OR9Q1: variants seen among roughly 807,000 people sequenced by gnomAD.
The protein encoded by OR9Q1 is olfactory receptor family 9 subfamily Q member 1.
For synonymous variants in OR9Q1, 153 were observed against 148.6 expected (o/e 1.03, Z -0.22); for missense variants, 374 against 378.8 (o/e 0.99, Z 0.11).
chr11:58,119,127 G>A, intron 2 of OR9Q1: 8 of 1,614,028 alleles, frequency 5.0e-6, no homozygotes, highest in Non-Finnish European at 6.8e-6. Flanking sequence ...TGCCTGCACA[G>A]ATGGTGAATA....
At chr11:58,068,694 C>T (rs947625530) in intron 2 of OR9Q1, among the ~76,000 whole-genome samples, 3 of 152,126 alleles carry the variant, frequency 2.0e-5, no homozygotes, top group Non-Finnish European at 2.9e-5. Flanking sequence ...AGAGCTTTTC[C>T]AATTTTCAAG....
intron 2 of OR9Q1, among the ~76,000 whole-genome samples, chr11:58,151,222 A>G (rs1215122390): frequency 6.6e-6 from 1 of 152,194 alleles, no homozygotes; most frequent in East Asian, 1.9e-4. Flanking sequence ...GAGATGTCAT[A>G]TAAAAAGTCT....
chr11:58,153,012 C>A (rs1263318135), intron 2 of OR9Q1, among the ~76,000 whole-genome samples: 1 of 152,168 alleles, frequency 6.6e-6, no homozygotes. Flanking sequence ...ACAGAGCCTG[C>A]CACCTGGTAG....
intron 2 of OR9Q1, among the ~76,000 whole-genome samples, chr11:58,092,666 A>G: frequency 6.6e-6 from 1 of 152,064 alleles, no homozygotes. Context: ...TCTCCTTTTT[A>G]TACAGGGGAT....
intron 2 of OR9Q1, among the ~76,000 whole-genome samples, chr11:58,152,006 T>G (rs1854357833): frequency 6.6e-6 from 1 of 152,194 alleles, no homozygotes; most frequent in Non-Finnish European, 1.5e-5. Context: ...AGACCATTGT[T>G]GCATTTCCCA....
intron 2 of OR9Q1, chr11:58,144,406 G>A (rs1854280126): frequency 6.6e-6 from 1 of 151,702 alleles, no homozygotes; most frequent in Admixed American, 6.6e-5. Flanking sequence ...GGAATACTAT[G>A]CAGCCATAAA....
chr11:58,134,207 C>G (rs898328546), intron 2 of OR9Q1, among the ~76,000 whole-genome samples: 1 of 152,158 alleles, frequency 6.6e-6, no homozygotes, highest in East Asian at 1.9e-4. Flanking sequence ...CTCCCTAATC[C>G]CCCTTGAAAG....
chr11:58,161,588 G>A (rs1301800730), intron 2 of OR9Q1, among the ~76,000 whole-genome samples: 1 of 150,758 alleles, frequency 6.6e-6, no homozygotes, highest in Non-Finnish European at 1.5e-5. Context: ...CTGTCACCCA[G>A]GCTGGAGTGC....
At chr11:58,048,823 C>T (rs1474682924) in intron 1 of OR9Q1, among the ~76,000 whole-genome samples, 11 of 117,214 alleles carry the variant, frequency 9.4e-5, no homozygotes, top group East Asian at 5.0e-4. Context: ...AACACCTCTA[C>T]GCAAATAAAC....
intron 2 of OR9Q1, among the ~76,000 whole-genome samples, chr11:58,096,703 CTTTT>C (rs371701829): frequency 2.8e-5 from 3 of 108,796 alleles, no homozygotes; most frequent in Admixed American, 1.0e-4. Context: ...GAGACAGTCT[CTTTT>C]TTTTTTTTTT....
intron 1 of OR9Q1, chr11:58,031,443 T>G (rs772602014): frequency 1.2e-6 from 2 of 1,614,038 alleles, no homozygotes; most frequent in African/African-American, 2.7e-5. Flanking sequence ...ATCTTGCCAA[T>G]CTACCTCTTG....
intron 1 of OR9Q1, among the ~76,000 whole-genome samples, chr11:58,032,822 A>G (rs1853056148): frequency 6.6e-6 from 1 of 152,246 alleles, no homozygotes. Context: ...ACAAACAGGT[A>G]AACTACCAAA....
At chr11:58,103,105 A>G (rs909708851) in intron 2 of OR9Q1, among the ~76,000 whole-genome samples, 2 of 152,174 alleles carry the variant, frequency 1.3e-5, no homozygotes, top group African/African-American at 4.8e-5. Context: ...TATAAGGGAA[A>G]GAGGTTTAAT....
At chr11:58,042,390 T>A (rs1323807015) in intron 1 of OR9Q1, among the ~76,000 whole-genome samples, 1 of 152,026 alleles carries the variant, frequency 6.6e-6, no homozygotes, top group African/African-American at 2.4e-5. Context: ...CAGCACCATT[T>A]ATTAAATAGG....
chr11:58,147,070 A>G (rs983496487), intron 2 of OR9Q1, among the ~76,000 whole-genome samples: 5 of 152,172 alleles, frequency 3.3e-5, no homozygotes, highest in Admixed American at 2.0e-4. Flanking sequence ...TCTATGAAAC[A>G]ACAGTTGGTG....
Position 58,043,497 on chromosome 11 carries a change from T to C in OR9Q1, c.-92-12373T>C, listed in dbSNP as rs1229564303. Among the ~76,000 whole-genome samples the C allele has an allele frequency of 3.3e-5, 5 of 152,328 alleles. No individual in the cohort carries two copies. In the East Asian group the frequency reaches 9.7e-4, roughly 29 times the overall value. Reference sequence around the variant, plus strand: ...CCCATTTTCTATAGAATAGAGTCCATGCTCCAGAGTCCAGCAGGTAAAGTC... The same window carrying C: ...CCCATTTTCTATAGAATAGAGTCCACGCTCCAGAGTCCAGCAGGTAAAGTC... On this transcript the variant is annotated intron_variant, in intron 1 of 2. Coordinates refer to ENST00000335397, the MANE Select transcript of OR9Q1 (RefSeq NM_001005212.4).
chr11:58,053,562 A>G (rs1853290441), intron 1 of OR9Q1, among the ~76,000 whole-genome samples: 1 of 147,516 alleles, frequency 6.8e-6, no homozygotes, highest in Admixed American at 6.9e-5. Flanking sequence ...ACTAACCTGC[A>G]CATTGTGCAC....
chr11:58,055,010 A>C (rs1024877193), intron 1 of OR9Q1, among the ~76,000 whole-genome samples: 1 of 152,198 alleles, frequency 6.6e-6, no homozygotes, highest in Non-Finnish European at 1.5e-5. Flanking sequence ...GAAAATTCAT[A>C]AGAACTAGAG....
intron 2 of OR9Q1, chr11:58,109,491 G>C (rs778572498): frequency 2.2e-6 from 1 of 462,986 alleles, no homozygotes; most frequent in Admixed American, 2.3e-5. Flanking sequence ...AGTACACGGG[G>C]GTGTGGAGTT....
Sources: gnomAD v4.1 joint callset for allele counts (sites outside exome capture counted in the v4.1 genomes callset) on GRCh38, gnomAD v4.1.1 for gene constraint, MANE v1.5 for transcripts, NCBI Gene and HGNC (gene_info 2026-07-23, HGNC 2026-07-21) for gene names.